DSN1: variants seen among roughly 807,000 people sequenced by gnomAD.
DSN1 encodes DSN1 component of MIS12 kinetochore complex.
Under a neutral mutation model 45.7 loss-of-function variants are expected in DSN1, and 31 were observed. The observed-to-expected ratio is 0.68, with a 90% CI of 0.51 to 0.92. DSN1 has a LOEUF of 0.92. Ranked by LOEUF, DSN1 falls within the 40% of genes least tolerant of loss-of-function variation. The pLI, the probability that DSN1 is intolerant of heterozygous loss-of-function variation, is 0.00. For missense variants in DSN1, 394 were observed against 414.2 expected, an observed-to-expected ratio of 0.95 and a Z score of 0.42; for synonymous variants, 134 against 142.3, an observed-to-expected ratio of 0.94 and a Z score of 0.41.
At chr20:36,762,577 A>G (rs924301264) in intron 5 of DSN1, 29 bp from the exon 6 acceptor site, 1 of 1,591,928 alleles carries the variant, frequency 6.3e-7, no homozygotes, top group African/African-American at 1.3e-5. Context: ...CGTGTCATAA[A>G]ATAAAGGAAA....
intron 8 of DSN1, among the ~76,000 whole-genome samples, chr20:36,756,456 T>C (rs1986684790): frequency 6.6e-6 from 1 of 152,192 alleles, no homozygotes; most frequent in African/African-American, 2.4e-5. Context: ...TCAGTGTCTA[T>C]AATTGTTTAC....
At chr20:36,767,881 GAC>G (rs1366103081) in intron 4 of DSN1, 86 bp downstream of exon 4, 2 of 1,340,358 alleles carry the variant, frequency 1.5e-6, no homozygotes, top group South Asian at 1.2e-5. Flanking sequence ...CAGCCTGGGT[GAC>G]AGAGTCAGGC....
chr20:36,756,036 C>T (rs1173920129), intron 8 of DSN1, among the ~76,000 whole-genome samples: 3 of 151,662 alleles, frequency 2.0e-5, no homozygotes, highest in South Asian at 4.2e-4. Context: ...TGCAGTGGTG[C>T]GGTCTCAGGT....
In DSN1 at chr20:36,760,243, C is replaced by CA. The variant is rs575715565; in HGVS notation, c.591-1627dup. On this transcript the variant is annotated intron_variant, in intron 6 of 10. Transcript: ENST00000373750. ...TGGCCAACAGAGCGAGACTCTGCCT[C>CA]AAAAAAAAACAAAAACAAAAACAAA... Among the ~76,000 whole-genome samples the CA allele has an allele frequency of 1.6e-3, 235 of 143,272 alleles. 1 individual carries two copies. Among genetic ancestry groups the CA allele is most frequent in the African/African-American group, 1.8e-3 (70 of 39,302 alleles). The allele number at this position is 143,272 out of a possible 152,430, so 94.0% of individuals were successfully genotyped here.
At chr20:36,756,151 T>C (rs1444055323) in intron 8 of DSN1, among the ~76,000 whole-genome samples, 1 of 152,086 alleles carries the variant, frequency 6.6e-6, no homozygotes, top group Non-Finnish European at 1.5e-5. Context: ...CAGCTAATTT[T>C]TTGTATTTTT....
At chr20:36,754,316 A>G (rs1468514646) in intron 10 of DSN1, among the ~76,000 whole-genome samples, 1 of 152,090 alleles carries the variant, frequency 6.6e-6, no homozygotes, top group African/African-American at 2.4e-5. Flanking sequence ...TCCAACCTGG[A>G]TGACAAAGCG....
intron 8 of DSN1, among the ~76,000 whole-genome samples, chr20:36,756,412 GGA>G (rs761537467): frequency 2.4e-4 from 36 of 152,254 alleles, no homozygotes; most frequent in Non-Finnish European, 4.3e-4. Flanking sequence ...ACTATACTTG[GGA>G]GAGAGTGAAG....
chr20:36,771,058 G>C lies in DSN1; in HGVS notation c.170C>G (p.Ser57Cys), dbSNP rs150709630. 14 of 1,614,076 alleles carry C rather than the reference G, an allele frequency of 8.7e-6. No homozygotes were observed. The East Asian group carries it at 2.2e-4, about 26-fold the overall frequency. ...ACAATTTCCCCCTTTTTTAGGGCTA[G>C]AGCCAAGGTGAATTCTTTCCTCTGA... ...GVSEERIHLG[S>C]SPKKGGNCDL... Residue 57 changes from serine to cysteine, a missense_variant, in exon 3 of 11, where the codon TCT (serine) becomes TGT (cysteine). Transcript: ENST00000373750.
chr20:36,763,797 G>C (rs1601015635), intron 5 of DSN1, among the ~76,000 whole-genome samples: 1 of 133,168 alleles, frequency 7.5e-6, no homozygotes, highest in Non-Finnish European at 1.5e-5. Flanking sequence ...TGAGGCAGGA[G>C]AATCACTTGA....
intron 3 of DSN1, 58 bp from the exon 4 acceptor site, chr20:36,768,100 C>G (rs759546323): frequency 1.9e-6 from 3 of 1,547,784 alleles, no homozygotes; most frequent in Non-Finnish European, 1.8e-6. Context: ...TAGCAACTAA[C>G]AAAACTGAAA....
At chr20:36,769,897 G>A (rs1987540115) in intron 3 of DSN1, among the ~76,000 whole-genome samples, 1 of 118,044 alleles carries the variant, frequency 8.5e-6, no homozygotes. Context: ...GTTTTTCACT[G>A]TAGATACACA....
At chr20:36,772,935 T>A (rs1987728271) in intron 1 of DSN1, among the ~76,000 whole-genome samples, 1 of 152,252 alleles carries the variant, frequency 6.6e-6, no homozygotes, top group Admixed American at 6.5e-5. Flanking sequence ...AAGGCAGGGA[T>A]GTCACCTAGG....
At position 36,766,749 on chromosome 20, in the gene DSN1, C is replaced by T; in HGVS notation, c.502+20G>A. 6 of 1,604,778 alleles carry T rather than the reference C, an allele frequency of 3.7e-6. No individual in the cohort carries two copies. Among genetic ancestry groups the T allele is most frequent in the Non-Finnish European group, 5.1e-6 (6 of 1,175,850 alleles). On this transcript the variant is annotated intron_variant, in intron 5 of 10. Transcript: ENST00000373750. ...TTTGACTGCCCAGGGTCAAAGCTCA[C>T]TCATCTGTTAGCAACTTACCTTTGG...
chr20:36,772,879 C>T (rs954590893), intron 1 of DSN1, among the ~76,000 whole-genome samples: 1 of 152,248 alleles, frequency 6.6e-6, no homozygotes, highest in Non-Finnish European at 1.5e-5. Context: ...TCTCCCCAGC[C>T]AGGCTGTATT....
chr20:36,756,032 G>T (rs2148258553), intron 8 of DSN1, among the ~76,000 whole-genome samples: 1 of 151,970 alleles, frequency 6.6e-6, no homozygotes, highest in Middle Eastern at 3.4e-3. Context: ...GGAGTGCAGT[G>T]GTGCGGTCTC....
At position 36,757,878 on chromosome 20, in the gene DSN1, T is replaced by C. The variant is rs187717380; in HGVS notation, c.725+209A>G. ...ACACAGAACAGAAACAATTGTGTTCTTGGACTGAAAATAGTGACACCAACT... is the reference window on the plus strand; with the variant it reads ...ACACAGAACAGAAACAATTGTGTTCCTGGACTGAAAATAGTGACACCAACT... On this transcript the variant is annotated intron_variant, in intron 8 of 10. Coordinates refer to ENST00000373750, the MANE Select transcript of DSN1 (RefSeq NM_001145315.2). 1.6e-3 allele frequency among the ~76,000 whole-genome samples: 245 copies of C among 152,354 alleles called. 8 individuals are homozygous for C. The South Asian group carries it at 0.03, about 19-fold the overall frequency.
intron 6 of DSN1, among the ~76,000 whole-genome samples, chr20:36,760,915 C>T (rs1376367090): frequency 6.6e-6 from 1 of 151,996 alleles, no homozygotes; most frequent in African/African-American, 2.4e-5. Context: ...AAAAGAGATG[C>T]TACTTTAAAC....
chr20:36,773,582 T>C (rs982264203), intron 1 of DSN1, 80 bp downstream of exon 1: 1 of 985,632 alleles, frequency 1.0e-6, no homozygotes, highest in Non-Finnish European at 1.2e-6. Flanking sequence ...GCCGAAGAGA[T>C]TAGTGCGGCG....
intron 10 of DSN1, among the ~76,000 whole-genome samples, chr20:36,754,367 G>T (rs188173357): frequency 5.7e-4 from 87 of 152,128 alleles, no homozygotes; most frequent in Non-Finnish European, 1.1e-3. Context: ...AGTAGAAGAA[G>T]AAAGAAAATG....
Sources: allele counts gnomAD v4.1 joint callset (sites outside exome capture counted in the v4.1 genomes callset), GRCh38; gene constraint gnomAD v4.1.1; transcripts MANE v1.5; gene names NCBI Gene and HGNC (gene_info 2026-07-23, HGNC 2026-07-21).